Variants in ZNF658 observed in about 807,000 individuals in gnomAD.
ZNF658 encodes the protein zinc finger protein 658.
A neutral mutation model predicts 78.0 loss-of-function variants in ZNF658; 46 were observed. That is an observed-to-expected ratio of 0.59 (90% CI 0.47 to 0.75). The LOEUF is 0.75. ZNF658 is among the 30% of genes least tolerant of loss of function. ZNF658 has a pLI of 0.00. For synonymous variants in ZNF658, 279 were observed against 408.4 expected, an observed-to-expected ratio of 0.68 and a Z score of 3.82; for missense variants, 785 against 1,189.3, an observed-to-expected ratio of 0.66 and a Z score of 5.00.
chr9:66,915,196 C>A (rs1822307585), intron 4 of ZNF658, among the ~76,000 whole-genome samples: 1 of 152,058 alleles, frequency 6.6e-6, no homozygotes. Flanking sequence ...AACATATCCT[C>A]CATCATAATG....
In ZNF658 at chr9:66,919,750, C is replaced by A. The variant is rs1428506630; in HGVS notation, c.2184C>A (p.Ala728=). The change falls in exon 5 of 5, where the codon GCC becomes GCA. Residue 728 remains alanine, a synonymous_variant. Transcript: ENST00000621410. ...ECEKTFAHNS[A]LRAHQNIHTG... ...AGAAAACATTTGCCCATAATTCAGC[C>A]CTTAGAGCACATCAGAATATCCACA... 6.2e-7 allele frequency: 1 copy of A among 1,611,492 alleles called. No individual in the cohort carries two copies.
At chr9:66,913,261 C>T (rs993853069) in intron 4 of ZNF658, among the ~76,000 whole-genome samples, 2 of 150,756 alleles carry the variant, frequency 1.3e-5, no homozygotes, top group Non-Finnish European at 3.0e-5. Context: ...CCCATCTCTA[C>T]CAAAAGTACA....
chr9:66,909,120 G>A (rs1442421357), intron 4 of ZNF658, among the ~76,000 whole-genome samples: 35 of 151,914 alleles, frequency 2.3e-4, no homozygotes, highest in Admixed American at 1.9e-3. Flanking sequence ...GGGCATTTGT[G>A]GATTTTGGTA....
downstream of ZNF658, among the ~76,000 whole-genome samples, chr9:66,924,535 GAAGAA>G (rs976194650): frequency 2.5e-5 from 3 of 118,798 alleles, no homozygotes; most frequent in Admixed American, 9.4e-5. Context: ...GATCCAAATG[GAAGAA>G]AAGAAGAAAA....
At chr9:66,914,151 C>A in intron 4 of ZNF658, among the ~76,000 whole-genome samples, 1 of 151,556 alleles carries the variant, frequency 6.6e-6, no homozygotes, top group East Asian at 1.9e-4. Context: ...GTCTTCCAGT[C>A]CATACACAAA....
chr9:66,929,823 G>T (rs1311208511), intron 6 of ZNF658, among the ~76,000 whole-genome samples: 1 of 109,464 alleles, frequency 9.1e-6, no homozygotes. Context: ...TTGCTCTGTT[G>T]CCCGGGCTGG....
At chr9:66,910,928 T>C (rs1398730559) in intron 4 of ZNF658, among the ~76,000 whole-genome samples, 2 of 151,800 alleles carry the variant, frequency 1.3e-5, no homozygotes, top group East Asian at 3.9e-4. Context: ...AAAGCTCTCA[T>C]TCAAGAGCAC....
At chr9:66,916,177 C>T (rs558324072) in intron 4 of ZNF658, among the ~76,000 whole-genome samples, 6 of 152,232 alleles carry the variant, frequency 3.9e-5, no homozygotes, top group South Asian at 2.1e-4. Context: ...CGTGAGCCAC[C>T]GCGTCTGGCC....
chr9:66,914,750 CTGTT>C (rs760301801), intron 4 of ZNF658, among the ~76,000 whole-genome samples: 6 of 151,852 alleles, frequency 4.0e-5, no homozygotes, highest in African/African-American at 1.2e-4. Context: ...AGTGTAGTAA[CTGTT>C]TGGCATTTTT....
chr9:66,908,125 G>A lies in ZNF658; in HGVS notation c.16-113G>A, dbSNP rs531233051. On this transcript the variant is annotated intron_variant, in intron 2 of 4. Coordinates refer to ENST00000621410, the MANE Select transcript of ZNF658 (RefSeq NM_033160.7). Reference sequence around the variant, plus strand: ...TAAGACAATTTTGGGTCTAAAATAGGCCTTTATAACCATTCATTTTAGTAG... The same window carrying A: ...TAAGACAATTTTGGGTCTAAAATAGACCTTTATAACCATTCATTTTAGTAG... 32 of 1,584,512 alleles carry A rather than the reference G, an allele frequency of 2.0e-5. No individual in the cohort carries two copies. In the East Asian group the frequency reaches 5.4e-4, roughly 27 times the overall value.
In ZNF658 at chr9:66,919,634, G is replaced by A; in HGVS notation, c.2068G>A (p.Asp690Asn). The A allele has an allele frequency of 1.2e-6, 2 of 1,610,404 alleles. No homozygotes were observed. Among genetic ancestry groups the A allele is most frequent in the Non-Finnish European group, 8.5e-7 (1 of 1,179,398 alleles). The part of the protein sequence containing the change: ...HTGRKPYECS[D>N]CEKTFAHNSA... ...AGGTAGAAAACCCTATGAATGTAGT[G>A]ACTGTGAGAAAACTTTTGCCCATAA... Residue 690 changes from aspartate to asparagine, a missense_variant, in exon 5 of 5, where the codon GAC becomes AAC. This residue lies in a region of ZNF658 where 75 missense variants were observed against 147.1 expected (regional missense o/e 0.51). Coordinates refer to ENST00000621410, the MANE Select transcript of ZNF658 (RefSeq NM_033160.7).
intron 6 of ZNF658, among the ~76,000 whole-genome samples, chr9:66,930,545 C>T (rs369777216): frequency 0.015 from 2,239 of 151,648 alleles, 35 homozygotes; most frequent in Middle Eastern, 0.027. Flanking sequence ...CATGGTGGCT[C>T]ACGCCTGTAA....
At chr9:66,908,156 C>A in intron 2 of ZNF658, 82 bp from the exon 3 acceptor site, 1 of 1,609,370 alleles carries the variant, frequency 6.2e-7, no homozygotes. Context: ...AGTAGTAGCT[C>A]TCAAAGATAT....
In ZNF658 at chr9:66,918,332, A is replaced by C. The variant is rs765275789; in HGVS notation, c.766A>C (p.Thr256Pro). The change falls in exon 5 of 5, where the codon ACT (threonine) becomes CCT (proline). Residue 256 changes from threonine (T) to proline (P), a missense_variant. Around this residue, in one of 12 missense-constraint regions of ZNF658, gnomAD observed 393 missense variants for 400.2 expected, o/e 0.98. Transcript: ENST00000621410. Reference protein sequence around the residue: ...DEFRKNFDKITLFNHMRTDTR... With the variant: ...DEFRKNFDKIPLFNHMRTDTR... Reference sequence around the variant, plus strand: ...ATTTAGAAAAAACTTTGATAAAATCACTTTATTTAACCACATGAGAACTGA... The same window carrying C: ...ATTTAGAAAAAACTTTGATAAAATCCCTTTATTTAACCACATGAGAACTGA... 22 of 1,613,816 alleles carry C rather than the reference A, an allele frequency of 1.4e-5. No homozygotes were observed. The highest frequency in any genetic ancestry group is 1.9e-5 in the Non-Finnish European group (22 of 1,179,850).
chr9:66,919,621 C>T lies in ZNF658; in HGVS notation c.2055C>T (p.Pro685=), dbSNP rs1408233915. 1.9e-6 allele frequency: 3 copies of T among 1,609,164 alleles called. No individual in the cohort carries two copies. The highest frequency in any genetic ancestry group is 2.2e-5 in the East Asian group (1 of 44,694). ...AHQRIHTGRK[P]YECSDCEKTF... ...AGAGAATTCACACAGGTAGAAAACC[C>T]TATGAATGTAGTGACTGTGAGAAAA... The change falls in exon 5 of 5, where the codon CCC becomes CCT. Residue 685 remains proline (P), a synonymous_variant. Coordinates refer to ENST00000621410, the MANE Select transcript of ZNF658 (RefSeq NM_033160.7).
Position 66,908,684 on chromosome 9 carries a change from G to A in ZNF658, c.188G>A (p.Gly63Glu), listed in dbSNP as rs1587358002. The change falls in exon 4 of 5, where the codon GGA becomes GAA. Residue 63 changes from glycine to glutamate, a missense_variant. Physicochemically the swap from Gly to Glu is moderately conservative, Grantham distance 98. Transcript: ENST00000621410. ...AAGGTGATCTCCAAGTTGGAGAAAG[G>A]AGAAGAGCCATGGTCTTTAGAAGAT... Reference protein sequence around the residue: ...KPKVISKLEKGEEPWSLEDEF... With the variant: ...KPKVISKLEKEEEPWSLEDEF... 1 of 1,577,090 alleles carries A rather than the reference G, an allele frequency of 6.3e-7. No individual in the cohort carries two copies.
At chr9:66,906,382 G>A (rs1822080663) in intron 2 of ZNF658, among the ~76,000 whole-genome samples, 1 of 147,226 alleles carries the variant, frequency 6.8e-6, no homozygotes, top group Non-Finnish European at 1.5e-5. Context: ...GAATCTATAG[G>A]AGCTTTTCAA....
chr9:66,928,578 C>A (rs1173042585), intron 6 of ZNF658, among the ~76,000 whole-genome samples: 2 of 151,256 alleles, frequency 1.3e-5, no homozygotes, highest in Non-Finnish European at 2.9e-5. Flanking sequence ...ATAGGCCATA[C>A]ACGGTGGCTC....
chr9:66,910,259 T>C (rs1370585225), intron 4 of ZNF658, among the ~76,000 whole-genome samples: 4 of 152,184 alleles, frequency 2.6e-5, no homozygotes, highest in Non-Finnish European at 5.9e-5. Flanking sequence ...TTTGTACGAA[T>C]AAATGATTCC....
Sources: gnomAD v4.1 joint callset for allele counts (sites outside exome capture counted in the v4.1 genomes callset) on GRCh38, gnomAD v4.1.1 for gene constraint, gnomAD v4.1.1 regional missense constraint, MANE v1.5 for transcripts, NCBI Gene and HGNC (gene_info 2026-07-23, HGNC 2026-07-21) for gene names.